Variants in SNAP47 observed in about 807,000 individuals in gnomAD.
SNAP47 encodes synaptosome associated protein 47.
A neutral mutation model predicts 31.4 loss-of-function variants in SNAP47; 20 were observed. The ratio of observed to expected loss-of-function variants is 0.64; its 90% CI spans 0.45 to 0.93. SNAP47 has a LOEUF of 0.93. Among genes scored for constraint, SNAP47 ranks in the 40% least tolerant of loss-of-function variants. The pLI is 0.00. For synonymous variants in SNAP47, 194 were observed against 213.4 expected (o/e 0.91, Z 0.79); for missense variants, 492 against 528.5 (o/e 0.93, Z 0.68).
At chr1:227,776,268 G>T in intron 4 of SNAP47, 1 of 1,030,652 alleles carries the variant, frequency 9.7e-7, no homozygotes, top group Non-Finnish European at 1.2e-6. Flanking sequence ...CATGCCCCAG[G>T]GCCAGCCTGG....
At chr1:227,776,649 T>A in intron 4 of SNAP47, 1 of 985,494 alleles carries the variant, frequency 1.0e-6, no homozygotes, top group Non-Finnish European at 1.2e-6. Flanking sequence ...ATGCACACGA[T>A]GCCATGTAAT....
At chr1:227,750,754 A>C (rs1410866543) in intron 2 of SNAP47, among the ~76,000 whole-genome samples, 1 of 152,176 alleles carries the variant, frequency 6.6e-6, no homozygotes, top group Non-Finnish European at 1.5e-5. Flanking sequence ...TGGGTGCACA[A>C]TGTGGCTTTC....
chr1:227,749,374 A>G (rs924398933), intron 2 of SNAP47, among the ~76,000 whole-genome samples: 4 of 152,084 alleles, frequency 2.6e-5, no homozygotes, highest in African/African-American at 9.7e-5. Context: ...GGTTCCATCC[A>G]GTCCCTCTTC....
At chr1:227,745,975 G>A (rs1661937715) in intron 1 of SNAP47, 1 of 152,248 alleles carries the variant, frequency 6.6e-6, no homozygotes, top group Admixed American at 6.5e-5. Flanking sequence ...TCCTGTCTAG[G>A]CTTCCAGCGG....
chr1:227,745,453 C>T (rs1013665678), intron 1 of SNAP47, among the ~76,000 whole-genome samples: 1 of 152,134 alleles, frequency 6.6e-6, no homozygotes, highest in African/African-American at 2.4e-5. Context: ...GAGCTGAGAG[C>T]GGGTGTGTGG....
chr1:227,733,089 A>C, upstream of SNAP47: 1 of 1,566,914 alleles, frequency 6.4e-7, no homozygotes, highest in Non-Finnish European at 8.7e-7. Context: ...ACCAACCCAC[A>C]TCTCCTGCGC....
At chr1:227,733,945 A>G (rs777973288), upstream of SNAP47, 1 of 1,613,942 alleles carries the variant, frequency 6.2e-7, no homozygotes, top group East Asian at 2.2e-5. Flanking sequence ...AGCGGTAGTC[A>G]TCCACATCCA....
intron 1 of SNAP47, among the ~76,000 whole-genome samples, chr1:227,739,834 G>A (rs1264083260): frequency 6.6e-6 from 1 of 152,214 alleles, no homozygotes; most frequent in Non-Finnish European, 1.5e-5. Flanking sequence ...GGATTCAGCT[G>A]TGTGTTCTCA....
At chr1:227,768,440 CAGGA>C in intron 4 of SNAP47, 2 of 494,444 alleles carry the variant, frequency 4.0e-6, no homozygotes, top group Non-Finnish European at 5.2e-6. Flanking sequence ...CCATGTCCAC[CAGGA>C]GGTGGATAAA....
Position 227,762,181 on chromosome 1 carries a change from G to C in SNAP47, c.988+2696G>C, listed in dbSNP as rs1426292674. Among the ~76,000 whole-genome samples, 1 of 152,238 alleles carries C rather than the reference G, an allele frequency of 6.6e-6. No individual in the cohort carries two copies. Among genetic ancestry groups the C allele is most frequent in the Non-Finnish European group, 1.5e-5 (1 of 68,046 alleles). ...ACCTGCTGCATGTGTGAGATGGACT[G>C]TTGCTCCTGTGGGGGACTGTTGTGC... is the stretch of plus-strand genomic sequence containing the variant. On this transcript the variant is annotated intron_variant, in intron 3 of 4. Transcript: ENST00000617596. This position sits in a 1 kb window ranked among gnomAD's most constrained non-coding sequence, Gnocchi z 4.2.
chr1:227,749,600 T>G (rs1232470049), intron 2 of SNAP47, among the ~76,000 whole-genome samples: 2 of 152,214 alleles, frequency 1.3e-5, no homozygotes, highest in African/African-American at 4.8e-5. Flanking sequence ...CTTCCTGGAT[T>G]TGCCAGTCTG....
intron 4 of SNAP47, chr1:227,775,790 G>T (rs754224): frequency 0.16 from 214,975 of 1,303,800 alleles, 18,669 homozygotes; most frequent in East Asian, 0.22. Flanking sequence ...GCTCTGCAGG[G>T]CTTCCGGCCT....
Position 227,767,073 on chromosome 1 carries a change from A to G in SNAP47, c.1103A>G (p.Glu368Gly). The G allele has an allele frequency of 3.1e-6, 5 of 1,614,082 alleles. No homozygotes were observed. The highest frequency in any genetic ancestry group is 4.2e-6 in the Non-Finnish European group (5 of 1,180,002). ...GCCCTTTCTGAGGCAGATACCCAGG[A>G]ACTAACCCAGGTAAGATGTCCCCAG... The part of the protein sequence containing the change: ...LPALSEADTQ[E>G]LTQILRRMKG... The change falls in exon 4 of 5, where the codon GAA becomes GGA. Residue 368 changes from glutamate to glycine, a missense_variant. Physicochemically the swap from Glu to Gly is moderately conservative, Grantham distance 98. Transcript: ENST00000617596.
In SNAP47 at chr1:227,747,919, A is replaced by G. The variant is rs533220272; in HGVS notation, c.183A>G (p.Ser61=). 94 of 1,614,188 alleles carry G rather than the reference A, an allele frequency of 5.8e-5. No individual in the cohort carries two copies. In the South Asian group the frequency reaches 9.4e-4, roughly 16 times the overall value. The change falls in exon 2 of 5, where the codon TCA becomes TCG. Residue 61 remains serine (S), a synonymous_variant. Coordinates refer to ENST00000617596, the MANE Select transcript of SNAP47 (RefSeq NM_053052.4). The part of the protein sequence containing the change: ...SSIVEIKKEA[S]HFIFSSITIL... Reference sequence around the variant, plus strand: ...TAGTTGAGATCAAGAAGGAGGCTTCACATTTTATCTTCAGCTCCATCACCA... The same window carrying G: ...TAGTTGAGATCAAGAAGGAGGCTTCGCATTTTATCTTCAGCTCCATCACCA...
At chr1:227,758,081 G>C (rs1206530438) in intron 2 of SNAP47, among the ~76,000 whole-genome samples, 1 of 152,232 alleles carries the variant, frequency 6.6e-6, no homozygotes, top group Non-Finnish European at 1.5e-5. Context: ...AGCTCCTGTA[G>C]CTGCAGGACA....
chr1:227,775,341 G>C (rs1016895145), intron 4 of SNAP47, among the ~76,000 whole-genome samples: 1 of 152,164 alleles, frequency 6.6e-6, no homozygotes, highest in Non-Finnish European at 1.5e-5. Context: ...TTCTTAAATG[G>C]TTGCTAATTT....
intron 2 of SNAP47, among the ~76,000 whole-genome samples, chr1:227,748,827 T>C (rs1044880058): frequency 2.6e-5 from 4 of 152,250 alleles, no homozygotes; most frequent in Non-Finnish European, 5.9e-5. Flanking sequence ...ATGAGCTATG[T>C]TCTTCTGTTA....
At chr1:227,777,202 GT>G in intron 4 of SNAP47, 1 of 620,784 alleles carries the variant, frequency 1.6e-6, no homozygotes, top group Non-Finnish European at 2.0e-6. Context: ...ATACTCATGG[GT>G]TACGTAGTGA....
chr1:227,771,297 C>G (rs1663786520), intron 4 of SNAP47, among the ~76,000 whole-genome samples: 1 of 152,198 alleles, frequency 6.6e-6, no homozygotes, highest in African/African-American at 2.4e-5. Context: ...AAGCGCTGAG[C>G]TAAGCCGCCA....
Sources: allele counts gnomAD v4.1 joint callset (sites outside exome capture counted in the v4.1 genomes callset), GRCh38; gene constraint gnomAD v4.1.1; non-coding constraint Gnocchi (gnomAD v3.1); transcripts MANE v1.5; gene names NCBI Gene and HGNC (gene_info 2026-07-23, HGNC 2026-07-21).